THNSL1: variants seen among roughly 807,000 people sequenced by gnomAD.
The protein encoded by THNSL1 is threonine synthase-like 1.
A neutral mutation model predicts 50.4 loss-of-function variants in THNSL1; 48 were observed. The ratio of observed to expected loss-of-function variants is 0.95; its 90% CI spans 0.76 to 1.21. The LOEUF (loss-of-function observed/expected upper bound fraction) is 1.21. Among genes scored for constraint, THNSL1 ranks in the 50% most tolerant of loss-of-function variants. THNSL1 has a pLI of 0.00. For missense variants in THNSL1, 896 were observed against 871.7 expected, an observed-to-expected ratio of 1.03 and a Z score of -0.35; for synonymous variants, 309 against 306.1, an observed-to-expected ratio of 1.01 and a Z score of -0.10.
chr10:24,989,926 T>C, the THNSL1 span, among the ~76,000 whole-genome samples: 3 of 152,114 alleles, frequency 2.0e-5, no homozygotes, highest in Non-Finnish European at 4.4e-5. Flanking sequence ...AGCCCTGCAT[T>C]AAAAAATCCA....
At chr10:24,959,676 A>G in the THNSL1 span, among the ~76,000 whole-genome samples, 8 of 151,968 alleles carry the variant, frequency 5.3e-5, no homozygotes, top group Non-Finnish European at 8.8e-5. Flanking sequence ...AACGTTTCCC[A>G]AACTTTTTTT....
the THNSL1 span, chr10:24,999,405 T>C: frequency 1.9e-6 from 3 of 1,604,684 alleles, no homozygotes; most frequent in Non-Finnish European, 2.5e-6. Flanking sequence ...ACCTACTGGG[T>C]GGTAGAGTTT....
chr10:24,961,268 T>C, the THNSL1 span, among the ~76,000 whole-genome samples: 5 of 152,188 alleles, frequency 3.3e-5, no homozygotes, highest in Non-Finnish European at 5.9e-5. Context: ...CACAAGTGTT[T>C]TTCCATAGTA....
chr10:25,000,557 A>G, the THNSL1 span, among the ~76,000 whole-genome samples: 1 of 152,148 alleles, frequency 6.6e-6, no homozygotes. Context: ...CTTCATCACT[A>G]TAAAATAACA....
At chr10:24,998,859 T>C in the THNSL1 span, among the ~76,000 whole-genome samples, 2 of 152,182 alleles carry the variant, frequency 1.3e-5, no homozygotes, top group African/African-American at 4.8e-5. Context: ...AAAATAAGCA[T>C]GGGGCCCTAA....
the THNSL1 span, among the ~76,000 whole-genome samples, chr10:25,007,240 C>T: frequency 4.6e-5 from 7 of 151,936 alleles, no homozygotes; most frequent in Non-Finnish European, 8.8e-5. Flanking sequence ...GTTCTGTAAC[C>T]GAATAATCTA....
chr10:24,986,535 C>T, the THNSL1 span, among the ~76,000 whole-genome samples: 3 of 152,190 alleles, frequency 2.0e-5, no homozygotes, highest in Non-Finnish European at 2.9e-5. Flanking sequence ...GAGGTTCCCA[C>T]AGTGCTCCAC....
chr10:25,023,203 G>A lies in THNSL1; in HGVS notation c.-21G>A. ...CTAAAGCCAATTTTTAGGTTGGCTTGGGCAGAAAAGTGAAAAGAGAATGCT... is the reference window on the plus strand; with the variant it reads ...CTAAAGCCAATTTTTAGGTTGGCTTAGGCAGAAAAGTGAAAAGAGAATGCT... On this transcript the variant is annotated 5_prime_UTR_variant, in exon 3 of 3. Coordinates refer to ENST00000376356, the MANE Select transcript of THNSL1 (RefSeq NM_024838.5). 1.3e-6 allele frequency: 2 copies of A among 1,589,092 alleles called. No homozygotes were observed. Among genetic ancestry groups the A allele is most frequent in the South Asian group, 1.2e-5 (1 of 86,606 alleles).
the THNSL1 span, among the ~76,000 whole-genome samples, chr10:24,999,110 T>A: frequency 2.0e-5 from 3 of 152,346 alleles, no homozygotes; most frequent in South Asian, 6.2e-4. Context: ...ACTTTTCCTA[T>A]AATTGTTGTT....
chr10:24,975,802 G>T, the THNSL1 span, among the ~76,000 whole-genome samples: 14 of 152,312 alleles, frequency 9.2e-5, no homozygotes. Flanking sequence ...ATGGCAGTGT[G>T]AAAACGAACT....
At chr10:25,007,703 G>C in the THNSL1 span, among the ~76,000 whole-genome samples, 2 of 152,040 alleles carry the variant, frequency 1.3e-5, no homozygotes, top group African/African-American at 4.8e-5. Flanking sequence ...CAAAGTGCTG[G>C]GATTACAGGC....
At chr10:25,004,265 C>A in the THNSL1 span, among the ~76,000 whole-genome samples, 1 of 152,056 alleles carries the variant, frequency 6.6e-6, no homozygotes, top group African/African-American at 2.4e-5. Flanking sequence ...TATAATAGAA[C>A]AATTTCTATT....
the THNSL1 span, among the ~76,000 whole-genome samples, chr10:25,005,967 G>A: frequency 2.7e-4 from 41 of 152,198 alleles, 1 homozygote; most frequent in South Asian, 2.1e-4. Context: ...TGTGGCTGGT[G>A]CCACATGCGG....
chr10:25,022,502 A>G (rs1260592203), intron 2 of THNSL1, among the ~76,000 whole-genome samples: 1 of 152,192 alleles, frequency 6.6e-6, no homozygotes, highest in Non-Finnish European at 1.5e-5. Flanking sequence ...AAAGCCTTCA[A>G]TATGAATAAT....
chr10:24,954,461 A>C, the THNSL1 span, among the ~76,000 whole-genome samples: 1 of 152,154 alleles, frequency 6.6e-6, no homozygotes, highest in Admixed American at 6.5e-5. Context: ...TCACAGGAGT[A>C]GTTGCCATAC....
chr10:25,023,146 T>G lies in THNSL1; in HGVS notation c.-48-30T>G. On this transcript the variant is annotated intron_variant, in intron 2 of 2. Transcript: ENST00000376356. Reference sequence around the variant, plus strand: ...AATTAGTAACCAAATTATCTTTTGTTGTTTTTTGTTTGTTTTGTGTTTTGA... The same window carrying G: ...AATTAGTAACCAAATTATCTTTTGTGGTTTTTTGTTTGTTTTGTGTTTTGA... The G allele has an allele frequency of 2.1e-6, 3 of 1,404,910 alleles. No individual in the cohort carries two copies. The East Asian group carries it at 7.0e-5, about 33-fold the overall frequency. 87.0% of individuals were successfully genotyped at this position (1,404,910 alleles called of 1,614,324 possible).
In THNSL1 at chr10:25,024,927, A is replaced by G. The variant is rs1480056092; in HGVS notation, c.1704A>G (p.Lys568=). 6.2e-7 allele frequency: 1 copy of G among 1,613,946 alleles called. No homozygotes were observed. Among genetic ancestry groups the G allele is most frequent in the Admixed American group, 1.7e-5 (1 of 60,010 alleles). Residue 568 remains lysine, a synonymous_variant, in exon 3 of 3, where the codon AAA becomes AAG. Transcript: ENST00000376356. The part of the protein sequence containing the change: ...QTFSPSIDIL[K]SSNLERHLHL... ...TTTCACCGTCAATAGATATTCTCAA[A>G]TCTTCAAACCTAGAACGACATTTAC...
chr10:24,957,212 G>A, the THNSL1 span, among the ~76,000 whole-genome samples: 1 of 152,086 alleles, frequency 6.6e-6, no homozygotes, highest in Non-Finnish European at 1.5e-5. Flanking sequence ...ACTTCTATGT[G>A]ATCAACTTTT....
At chr10:24,961,756 C>A in the THNSL1 span, among the ~76,000 whole-genome samples, 20 of 152,146 alleles carry the variant, frequency 1.3e-4, no homozygotes, top group Non-Finnish European at 1.9e-4. Context: ...TCATTGTACT[C>A]CATAAAGTAA....
Sources: allele counts gnomAD v4.1 joint callset (sites outside exome capture counted in the v4.1 genomes callset), GRCh38; gene constraint gnomAD v4.1.1; transcripts MANE v1.5; gene names NCBI Gene and HGNC (gene_info 2026-07-23, HGNC 2026-07-21).